SMAD2: variants seen among roughly 807,000 people sequenced by gnomAD.
SMAD2 encodes the protein SMAD family member 2, also known as MAD homolog 2.
In SMAD2, 8 loss-of-function variants were observed where a neutral mutation model predicts 64.4. The ratio of observed to expected loss-of-function variants is 0.12; its 90% CI spans 0.07 to 0.22. SMAD2 has a LOEUF of 0.22. Among genes scored for constraint, SMAD2 ranks in the 10% least tolerant of loss-of-function variants. The pLI, the probability that SMAD2 is intolerant of heterozygous loss-of-function variation, is 1.00. For missense variants in SMAD2, 289 were observed against 561.2 expected, an observed-to-expected ratio of 0.51 and a Z score of 4.90; for synonymous variants, 203 against 195.8, an observed-to-expected ratio of 1.04 and a Z score of -0.31.
chr18:47,863,015 T>C (rs2031299929), intron 6 of SMAD2, among the ~76,000 whole-genome samples: 1 of 151,982 alleles, frequency 6.6e-6, no homozygotes, highest in Non-Finnish European at 1.5e-5. Flanking sequence ...AAGTAACAAG[T>C]GCTTGTTCGT....
intron 1 of SMAD2, among the ~76,000 whole-genome samples, chr18:47,913,386 G>A (rs2034217511): frequency 6.6e-6 from 1 of 152,164 alleles, no homozygotes; most frequent in South Asian, 2.1e-4. Flanking sequence ...ACCTGGTATT[G>A]CCACATGATT....
rs1213748290 is a variant in SMAD2, at chr18:47,869,188, ACTGAAGTT to A, written c.520+47_520+54del. ...CTGGGTCACAAGAGTACTTAAATAT[ACTGAAGTT>A]CAGGCATTTAATTCAAAACCAAGAA... On this transcript the variant is annotated intron_variant, in intron 4 of 10. Transcript: ENST00000262160. The A allele has an allele frequency of 2.3e-6, 3 of 1,286,264 alleles. No individual in the cohort carries two copies. The African/African-American group carries it at 4.4e-5, about 19-fold the overall frequency. 79.7% of individuals were successfully genotyped at this position (1,286,264 alleles called of 1,614,324 possible). A position where few individuals can be genotyped will look rare whatever the true frequency, so the allele number is the denominator to read the frequency against.
At chr18:47,913,517 T>C (rs918479289) in intron 1 of SMAD2, among the ~76,000 whole-genome samples, 6 of 152,196 alleles carry the variant, frequency 3.9e-5, no homozygotes, top group African/African-American at 1.4e-4. Context: ...CTGTCTAATA[T>C]CTCCGGAGAA....
chr18:47,870,624 T>C (rs918149720), intron 2 of SMAD2, 60 bp from the exon 3 acceptor site: 10 of 1,020,570 alleles, frequency 9.8e-6, no homozygotes, highest in South Asian at 7.6e-5. Flanking sequence ...TTATTCAAAA[T>C]ACCATGATGT....
At chr18:47,842,401 G>A (rs550406165) in intron 10 of SMAD2, among the ~76,000 whole-genome samples, 33 of 152,186 alleles carry the variant, frequency 2.2e-4, no homozygotes, top group Non-Finnish European at 3.5e-4. Context: ...TTAGCTGGGC[G>A]TGGTGGCGTG....
chr18:47,862,324 T>TA (rs2031245821), intron 6 of SMAD2, among the ~76,000 whole-genome samples: 1 of 152,186 alleles, frequency 6.6e-6, no homozygotes, highest in African/African-American at 2.4e-5. Flanking sequence ...CTGGGTGGCT[T>TA]AAAACAACAG....
At chr18:47,886,487 A>G (rs1487805130) in intron 2 of SMAD2, among the ~76,000 whole-genome samples, 1 of 147,680 alleles carries the variant, frequency 6.8e-6, no homozygotes, top group African/African-American at 2.7e-5. Flanking sequence ...CTATCATCCT[A>G]AACATAAATA....
chr18:47,903,649 A>T (rs2033778241), intron 1 of SMAD2, among the ~76,000 whole-genome samples: 1 of 152,204 alleles, frequency 6.6e-6, no homozygotes, highest in Non-Finnish European at 1.5e-5. Flanking sequence ...AACTATAATA[A>T]AAATGCTAAA....
chr18:47,829,855 AAAT>A lies in SMAD2; in HGVS notation c.*11969_*11971del, dbSNP rs1000711512. ...AATTCCGAAATGATAAAGAACAGGAAAATAATGACTAAGCTAACAACCAAACTT... is the reference window on the plus strand; with the variant it reads ...AATTCCGAAATGATAAAGAACAGGAAAATGACTAAGCTAACAACCAAACTT... On this transcript the variant is annotated 3_prime_UTR_variant, in exon 11 of 11. Transcript: ENST00000262160. 1 of 152,248 alleles carries A rather than the reference AAAT, an allele frequency of 6.6e-6. No homozygotes were observed. Among genetic ancestry groups the A allele is most frequent in the South Asian group, 2.1e-4 (1 of 4,834 alleles). The allele number at this position is 152,248 out of a possible 1,614,324, so 9.4% of individuals were successfully genotyped here.
intron 6 of SMAD2, among the ~76,000 whole-genome samples, chr18:47,861,066 A>T (rs2031143098): frequency 6.6e-6 from 1 of 152,130 alleles, no homozygotes; most frequent in Non-Finnish European, 1.5e-5. Flanking sequence ...AAAAAAAGAA[A>T]AACTGTCAGC....
At chr18:47,929,480 TGTC>T (rs2034908956) in intron 1 of SMAD2, among the ~76,000 whole-genome samples, 1 of 152,188 alleles carries the variant, frequency 6.6e-6, no homozygotes, top group Non-Finnish European at 1.5e-5. Context: ...ATTTTACACA[TGTC>T]GTTTTAAAAG....
intron 1 of SMAD2, among the ~76,000 whole-genome samples, chr18:47,925,790 T>C (rs1246617516): frequency 2.0e-5 from 3 of 152,248 alleles, no homozygotes; most frequent in East Asian, 3.9e-4. Context: ...TATCTGATGG[T>C]GTAGATGGTT....
rs534993951 is a variant in SMAD2, at chr18:47,829,378, T to C, written c.*12449A>G. On this transcript the variant is annotated 3_prime_UTR_variant, in exon 11 of 11. Transcript: ENST00000262160. ...GTTTCATTCTGTATCTCTAAAACATTGTCTCTAGACCTCAGCAAAAAAAAA... is the reference window on the plus strand; with the variant it reads ...GTTTCATTCTGTATCTCTAAAACATCGTCTCTAGACCTCAGCAAAAAAAAA... The C allele has an allele frequency of 3.3e-5, 5 of 152,040 alleles. No homozygotes were observed. In the South Asian group the frequency reaches 6.2e-4, roughly 19 times the overall value. The allele number at this position is 152,040 out of a possible 1,614,324, so 9.4% of individuals were successfully genotyped here.
chr18:47,930,603 G>A lies in SMAD2; in HGVS notation c.-296C>T, dbSNP rs1435083557. The A allele has an allele frequency of 6.7e-6, 1 of 150,144 alleles. No individual in the cohort carries two copies. The highest frequency in any genetic ancestry group is 1.5e-5 in the Non-Finnish European group (1 of 67,354). The allele number at this position is 150,144 out of a possible 1,614,324, so 9.3% of individuals were successfully genotyped here. ...GGGAGGGGAGGGGAGGAGAGGGAAG[G>A]GGAGGGGAGGGAGCCTGGCCGCCGC... On this transcript the variant is annotated 5_prime_UTR_variant, in exon 1 of 11. Transcript: ENST00000262160.
At chr18:47,920,839 T>C (rs552622125) in intron 1 of SMAD2, among the ~76,000 whole-genome samples, 1 of 152,308 alleles carries the variant, frequency 6.6e-6, no homozygotes, top group African/African-American at 2.4e-5. Context: ...ACTGGAAACA[T>C]TCAACAGAGG....
At chr18:47,913,472 C>CT (rs918073035) in intron 1 of SMAD2, among the ~76,000 whole-genome samples, 3 of 152,178 alleles carry the variant, frequency 2.0e-5, no homozygotes, top group Non-Finnish European at 4.4e-5. Flanking sequence ...CCAGCCTTAC[C>CT]TTTGCATGTC....
chr18:47,853,524 G>A (rs367606303), intron 6 of SMAD2: 15 of 191,300 alleles, frequency 7.8e-5, no homozygotes, highest in African/African-American at 3.6e-4. Context: ...ACTCTGTCTC[G>A]AGAGGGAAAA....
intron 5 of SMAD2, among the ~76,000 whole-genome samples, chr18:47,866,316 C>CAAAAAAAAAA (rs34302955): frequency 9.5e-5 from 4 of 42,094 alleles, no homozygotes; most frequent in African/African-American, 3.0e-4. Context: ...AACACCGTCT[C>CAAAAAAAAAA]AAAAAAAAAA....
At chr18:47,870,285 G>C (rs181803762) in intron 3 of SMAD2, among the ~76,000 whole-genome samples, 190 bp downstream of exon 3, 1 of 152,230 alleles carries the variant, frequency 6.6e-6, no homozygotes, top group East Asian at 1.9e-4. Flanking sequence ...GAATTGCATT[G>C]ATTAAAACAT....
Sources: gnomAD v4.1 joint callset for allele counts (sites outside exome capture counted in the v4.1 genomes callset) on GRCh38, gnomAD v4.1.1 for gene constraint, MANE v1.5 for transcripts, NCBI Gene and HGNC (gene_info 2026-07-23, HGNC 2026-07-21) for gene names.